The following MAGI2 variants were observed in gnomAD, a reference collection of about 807,000 sequenced individuals.
MAGI2 encodes membrane-associated guanylate kinase, WW and PDZ domain-containing protein 2.
A neutral mutation model predicts 133.3 loss-of-function variants in MAGI2; 35 were observed. That is an observed-to-expected ratio of 0.26 (90% CI 0.20 to 0.35). The LOEUF is 0.35. Ranked by LOEUF, MAGI2 falls within the 10% of genes least tolerant of loss-of-function variation. The probability of loss-of-function intolerance (pLI) is 1.00; values close to 1 mark genes in which losing one functional copy is unlikely to be tolerated. For synonymous variants in MAGI2, 729 were observed against 710.6 expected, an observed-to-expected ratio of 1.03 and a Z score of -0.41; for missense variants, 1,636 against 1,863.4, an observed-to-expected ratio of 0.88 and a Z score of 2.25.
At chr7:78,931,131 G>A (rs550022798) in intron 2 of MAGI2, among the ~76,000 whole-genome samples, 5 of 152,170 alleles carry the variant, frequency 3.3e-5, no homozygotes, top group African/African-American at 7.2e-5. Context: ...TTCAACCCAC[G>A]TCAAGGATGT....
chr7:78,457,654 G>GA (rs961911682), intron 6 of MAGI2, among the ~76,000 whole-genome samples: 14 of 152,162 alleles, frequency 9.2e-5, no homozygotes, highest in African/African-American at 3.1e-4. Flanking sequence ...CACTTGCACA[G>GA]ACCTTTCAGA....
intron 2 of MAGI2, among the ~76,000 whole-genome samples, chr7:78,663,117 T>C (rs1048043301): frequency 6.6e-6 from 1 of 152,094 alleles, no homozygotes; most frequent in Non-Finnish European, 1.5e-5. Flanking sequence ...TGTAAGCATT[T>C]AGTCTCTTCC....
chr7:79,299,235 T>G (rs4727839), intron 1 of MAGI2, among the ~76,000 whole-genome samples: 141,590 of 152,022 alleles, frequency 0.93, 66,298 homozygotes, highest in Non-Finnish European at 0.98. Context: ...GTTTTTAAGA[T>G]TAAGTAGAAA....
intron 2 of MAGI2, among the ~76,000 whole-genome samples, chr7:78,700,206 T>TTA (rs2151146454): frequency 6.6e-6 from 1 of 152,302 alleles, no homozygotes; most frequent in South Asian, 2.1e-4. Context: ...GCTCTGTTTC[T>TTA]ATTACATTTG....
chr7:79,357,266 C>A (rs1425453942), intron 1 of MAGI2, among the ~76,000 whole-genome samples: 3 of 152,238 alleles, frequency 2.0e-5, no homozygotes, highest in African/African-American at 4.8e-5. Flanking sequence ...GACAATGCAT[C>A]CTGGGAGACA....
chr7:78,310,774 T>G (rs1470307006), intron 9 of MAGI2, among the ~76,000 whole-genome samples: 2 of 152,186 alleles, frequency 1.3e-5, no homozygotes, highest in Non-Finnish European at 2.9e-5. Context: ...ACCTGGAGGA[T>G]AGCAATACTA....
intron 21 of MAGI2, among the ~76,000 whole-genome samples, chr7:78,052,244 G>C (rs554412552): frequency 6.6e-6 from 1 of 152,194 alleles, no homozygotes; most frequent in South Asian, 2.1e-4. Context: ...GAGGTGTTTG[G>C]GTCATTGGTG....
rs146734215 is a variant in MAGI2 at position 78,637,366 on chromosome 7, G to A, written c.419-10127C>T. On this transcript the variant is annotated intron_variant, in intron 2 of 21. Transcript: ENST00000354212. ...TTGGCTCTATCTATGCAACAGTATG[G>A]CTGATATTGGGAAAGACTTAGGAGC... is the stretch of plus-strand genomic sequence containing the variant. Among the ~76,000 whole-genome samples the A allele has an allele frequency of 3.3e-3, 495 of 151,958 alleles. 2 individuals are homozygous for A. The highest frequency in any genetic ancestry group is 5.7e-3 in the Non-Finnish European group (387 of 67,978).
intron 1 of MAGI2, among the ~76,000 whole-genome samples, chr7:79,452,090 ACCG>A: frequency 6.6e-6 from 1 of 152,058 alleles, no homozygotes; most frequent in East Asian, 1.9e-4. Flanking sequence ...CTGGGCTGGA[ACCG>A]GCCAGGGTTT....
At chr7:78,770,903 C>T (rs1825521610) in intron 2 of MAGI2, 1 of 152,342 alleles carries the variant, frequency 6.6e-6, no homozygotes, top group Non-Finnish European at 1.5e-5. Flanking sequence ...TCCCACCTTT[C>T]CATGGTCCTC....
intron 2 of MAGI2, among the ~76,000 whole-genome samples, chr7:78,891,386 G>A (rs534180015): frequency 6.6e-6 from 1 of 152,232 alleles, no homozygotes; most frequent in Non-Finnish European, 1.5e-5. Context: ...TTTGAGGCCA[G>A]CATCATCCTG....
chr7:79,362,718 T>C (rs927502973), intron 1 of MAGI2, among the ~76,000 whole-genome samples: 1 of 152,038 alleles, frequency 6.6e-6, no homozygotes, highest in African/African-American at 2.4e-5. Context: ...GATAAAGCCT[T>C]GGATGAAATC....
At chr7:78,289,740 A>G (rs1031162217) in intron 9 of MAGI2, among the ~76,000 whole-genome samples, 5 of 152,248 alleles carry the variant, frequency 3.3e-5, no homozygotes, top group African/African-American at 1.2e-4. Context: ...GAAGCCCGTC[A>G]GACTAACAGC....
intron 1 of MAGI2, among the ~76,000 whole-genome samples, chr7:79,155,793 G>A (rs1823720181): frequency 6.6e-6 from 1 of 152,124 alleles, no homozygotes; most frequent in East Asian, 1.9e-4. Flanking sequence ...ACTAGACTGA[G>A]GCAGGCATGG....
chr7:78,622,320 T>C (rs989955825), intron 3 of MAGI2, among the ~76,000 whole-genome samples: 3 of 152,170 alleles, frequency 2.0e-5, no homozygotes, highest in African/African-American at 2.4e-5. Flanking sequence ...CAGAATATCA[T>C]AGATGAATTT....
At chr7:78,616,357 G>T (rs1807088529) in intron 3 of MAGI2, 2 of 151,998 alleles carry the variant, frequency 1.3e-5, no homozygotes, top group South Asian at 4.1e-4. Context: ...GAGAAAAAGA[G>T]AACATGAAAA....
chr7:78,068,981 C>T (rs149969023), intron 21 of MAGI2, among the ~76,000 whole-genome samples: 21 of 152,256 alleles, frequency 1.4e-4, no homozygotes, highest in East Asian at 1.2e-3. Context: ...CTGAGAGGTT[C>T]GAAGCCTTTT....
At chr7:79,001,840 T>C (rs1311486007) in intron 2 of MAGI2, among the ~76,000 whole-genome samples, 2 of 152,232 alleles carry the variant, frequency 1.3e-5, no homozygotes, top group Non-Finnish European at 2.9e-5. Flanking sequence ...GAAACAATCC[T>C]GTTTAATCAT....
chr7:79,031,098 G>C (rs549640162), intron 1 of MAGI2, among the ~76,000 whole-genome samples: 178 of 152,120 alleles, frequency 1.2e-3, no homozygotes, highest in Non-Finnish European at 2.1e-3. Flanking sequence ...CTACCAAGAA[G>C]CTGCTACAAA....
Sources: gnomAD v4.1 joint callset for allele counts (sites outside exome capture counted in the v4.1 genomes callset) on GRCh38, gnomAD v4.1.1 for gene constraint, MANE v1.5 for transcripts, NCBI Gene and HGNC (gene_info 2026-07-23, HGNC 2026-07-21) for gene names.